The following PGAP2 variants were observed in gnomAD, a reference collection of about 807,000 sequenced individuals.
PGAP2 encodes the protein post-GPI attachment to proteins 2.
A neutral mutation model predicts 33.2 loss-of-function variants in PGAP2; 21 were observed. The observed-to-expected ratio is 0.63, with a 90% CI of 0.45 to 0.91. The LOEUF (loss-of-function observed/expected upper bound fraction) is 0.91, where lower values mean the gene tolerates loss of function less well. PGAP2 is among the 40% of genes least tolerant of loss of function. The probability of loss-of-function intolerance (pLI) is 0.00; values close to 1 mark genes in which losing one functional copy is unlikely to be tolerated. For synonymous variants in PGAP2, 161 were observed against 172.9 expected (o/e 0.93, Z 0.54); for missense variants, 345 against 424.0 (o/e 0.81, Z 1.64).
Position 3,817,450 on chromosome 11 carries a change from T to C in PGAP2, c.263T>C (p.Ile88Thr), listed in dbSNP as rs367747647. The C allele has an allele frequency of 1.2e-6, 2 of 1,614,160 alleles. No individual in the cohort carries two copies. Among genetic ancestry groups the C allele is most frequent in the Non-Finnish European group, 1.7e-6 (2 of 1,179,994 alleles). The change falls in exon 3 of 7, where the codon ATC (isoleucine) becomes ACC (threonine). Residue 88 changes from isoleucine to threonine, a missense_variant. This residue lies in a region of PGAP2 where 311 missense variants were observed against 353.6 expected (regional missense o/e 0.88). Transcript: ENST00000278243. The part of the protein sequence containing the change: ...LRFTAMVWWA[I>T]TFPVFGFFFC... Reference sequence around the variant, plus strand: ...TTCACAGCCATGGTCTGGTGGGCCATCACTTTTCCTGTGTTCGGCTTCTTC... The same window carrying C: ...TTCACAGCCATGGTCTGGTGGGCCACCACTTTTCCTGTGTTCGGCTTCTTC...
At chr11:3,799,327 C>T (rs1342762762) in intron 1 of PGAP2, among the ~76,000 whole-genome samples, 1 of 151,582 alleles carries the variant, frequency 6.6e-6, no homozygotes, top group Non-Finnish European at 1.5e-5. Context: ...TATTTGAGGC[C>T]AGGAGTTCGA....
At position 3,809,392 on chromosome 11, in the gene PGAP2, T is replaced by C. The variant is rs569913918; in HGVS notation, c.-11+741T>C. ...TGTTGCAGAACTGTGGAAACAGATC[T>C]AGAGTGCTTAAGTGGCTTGCCAAAG... is the stretch of plus-strand genomic sequence containing the variant. On this transcript the variant is annotated intron_variant, in intron 1 of 6. Transcript: ENST00000278243. Among the ~76,000 whole-genome samples, 3 of 152,342 alleles carry C rather than the reference T, an allele frequency of 2.0e-5. No homozygotes were observed. In the South Asian group the frequency reaches 6.2e-4, roughly 32 times the overall value.
At chr11:3,808,149 C>T (rs2084770490), upstream of PGAP2, 3 of 1,444,860 alleles carry the variant, frequency 2.1e-6, no homozygotes, top group Non-Finnish European at 9.3e-7. Flanking sequence ...GGGGGAGGGG[C>T]GCCAGGGCTG....
intron 3 of PGAP2, chr11:3,822,923 T>C: frequency 6.5e-7 from 1 of 1,531,110 alleles, no homozygotes; most frequent in South Asian, 1.2e-5. Flanking sequence ...GAAGCTTCAA[T>C]AGGAGTTCCA....
intron 3 of PGAP2, among the ~76,000 whole-genome samples, chr11:3,822,103 G>A (rs1414045540): frequency 6.6e-6 from 1 of 151,928 alleles, no homozygotes; most frequent in Non-Finnish European, 1.5e-5. Flanking sequence ...AGTGGCTCAC[G>A]TCTGTAATTC....
At position 3,808,640 on chromosome 11, in the gene PGAP2, A is replaced by G; in HGVS notation, c.-22A>G. 1 of 1,280,430 alleles carries G rather than the reference A, an allele frequency of 7.8e-7. No individual in the cohort carries two copies. Among genetic ancestry groups the G allele is most frequent in the East Asian group, 3.7e-5 (1 of 26,690 alleles). The allele number at this position is 1,280,430 out of a possible 1,614,324, so 79.3% of individuals were successfully genotyped here. A position where few individuals can be genotyped will look rare whatever the true frequency, so the allele number is the denominator to read the frequency against. On this transcript the variant is annotated 5_prime_UTR_variant, in exon 1 of 7. Coordinates refer to ENST00000278243, the MANE Select transcript of PGAP2 (RefSeq NM_014489.4). ...CCCGGGTTCCGCCGGCACTCTCGCC[A>G]CCACCGCGTGGGTGAGTATGGGCAT...
chr11:3,822,379 A>G (rs2088989865), intron 3 of PGAP2, among the ~76,000 whole-genome samples: 1 of 150,966 alleles, frequency 6.6e-6, no homozygotes, highest in African/African-American at 2.4e-5. Flanking sequence ...GAGAAAAAAA[A>G]GCAGATTCTG....
At chr11:3,817,207 C>T in intron 2 of PGAP2, 146 bp from the exon 3 acceptor site, 1 of 679,710 alleles carries the variant, frequency 1.5e-6, no homozygotes, top group Non-Finnish European at 2.6e-6. Context: ...CTCCTCTGCA[C>T]TGTCTTCCTT....
chr11:3,823,281 C>A (rs898250619), intron 3 of PGAP2, among the ~76,000 whole-genome samples: 2 of 151,854 alleles, frequency 1.3e-5, no homozygotes, highest in Non-Finnish European at 2.9e-5. Flanking sequence ...GGTGATCCAC[C>A]CACCTCGGCC....
rs756081998 is a variant in PGAP2, at chr11:3,797,982, G to A, written c.139G>A (p.Gly47Ser). ...CAGAGGGACGGCCCCAGAATGGCAT[G>A]GTAACTATTCGACCCTTTCCTTGCC... Residue 47 changes from glycine (G) to serine (S), a missense_variant and splice_region_variant, in exon 1 of 7, where the codon GGT (glycine) becomes AGT (serine). By Grantham distance (56) the Gly-to-Ser change is moderately conservative. Coordinates refer to the PGAP2 transcript ENST00000300730. The A allele has an allele frequency of 2.0e-5, 31 of 1,545,492 alleles. No homozygotes were observed. In the Admixed American group the frequency reaches 3.6e-4, roughly 18 times the overall value.
Position 3,797,848 on chromosome 11 carries a change from C to CT in PGAP2, c.6dup (p.Arg3Ter). On this transcript the variant is annotated frameshift_variant, in exon 1 of 7. Transcript: ENST00000300730. LOFTEE classifies it high-confidence loss of function. Reference sequence around the variant, plus strand: ...CCTCTCGAAGTGGGCTTGTGAATGGCTAGATTGGGAAGCACCGGCGGGGTG... The same window carrying CT: ...CCTCTCGAAGTGGGCTTGTGAATGGCTTAGATTGGGAAGCACCGGCGGGGTG... 1 of 1,550,382 alleles carries CT rather than the reference C, an allele frequency of 6.5e-7. No individual in the cohort carries two copies. Among genetic ancestry groups the CT allele is most frequent in the Non-Finnish European group, 8.7e-7 (1 of 1,146,398 alleles).
rs963222879 is a variant in PGAP2 at position 3,823,979 on chromosome 11, C to T, written c.445C>T (p.Arg149Cys). Residue 149 changes from arginine (R) to cysteine (C), a missense_variant, in exon 4 of 7, where the codon CGC becomes TGC. Around this residue, in one of 2 missense-constraint regions of PGAP2, gnomAD observed 311 missense variants for 353.6 expected, o/e 0.88. Transcript: ENST00000278243. ...CTGCATCGGCCTGCACTCGGCGCCT[C>T]GCTTCTTGGTGGCCTTCGCCTACTG... ...RFCIGLHSAPRFLVAFAYWNH... is the reference protein window; with the variant it reads ...RFCIGLHSAPCFLVAFAYWNH... 4 of 1,612,950 alleles carry T rather than the reference C, an allele frequency of 2.5e-6. No individual in the cohort carries two copies. Among genetic ancestry groups the T allele is most frequent in the Non-Finnish European group, 3.4e-6 (4 of 1,180,032 alleles).
intron 5 of PGAP2, 52 bp from the exon 6 acceptor site, chr11:3,824,968 C>T (rs1438545772): frequency 2.0e-5 from 32 of 1,610,900 alleles, no homozygotes; most frequent in Non-Finnish European, 2.7e-5. Context: ...GAGGGGAGCC[C>T]ACGCTCTCAT....
chr11:3,801,135 C>A (rs1381485387), intron 1 of PGAP2, among the ~76,000 whole-genome samples: 24 of 147,112 alleles, frequency 1.6e-4, no homozygotes, highest in South Asian at 4.3e-4. Flanking sequence ...AGTCTGTCTT[C>A]AAAAAAAAAA....
intron 2 of PGAP2, 106 bp from the exon 3 acceptor site, chr11:3,817,247 C>T (rs1348924679): frequency 1.2e-6 from 1 of 832,798 alleles, no homozygotes; most frequent in Non-Finnish European, 2.0e-6. Context: ...ACCCTTTCTG[C>T]TCTGGCTTTT....
chr11:3,814,800 CTT>C (rs776876838), intron 2 of PGAP2, among the ~76,000 whole-genome samples: 9 of 117,970 alleles, frequency 7.6e-5, no homozygotes, highest in African/African-American at 2.0e-4. Flanking sequence ...TTCTTTCTTT[CTT>C]TCTTTCTTTC....
At chr11:3,817,596 G>A (rs1338066060) in intron 3 of PGAP2, 61 bp downstream of exon 3, 3 of 1,339,086 alleles carry the variant, frequency 2.2e-6, no homozygotes, top group East Asian at 2.3e-5. Context: ...AGTTAGGGTA[G>A]AATTAGATAG....
chr11:3,799,856 A>G (rs748343842), intron 1 of PGAP2, among the ~76,000 whole-genome samples: 1 of 152,140 alleles, frequency 6.6e-6, no homozygotes, highest in Non-Finnish European at 1.5e-5. Context: ...GGTCCCAGCT[A>G]CTAGGGAGGC....
Position 3,816,973 on chromosome 11 carries a change from G to C in PGAP2, c.166-380G>C, listed in dbSNP as rs564556814. Among the ~76,000 whole-genome samples the C allele has an allele frequency of 2.6e-5, 4 of 152,278 alleles. No individual in the cohort carries two copies. The East Asian group carries it at 7.7e-4, about 29-fold the overall frequency. ...GTTCTGGGCCTCAGTCTCCCCTTCT[G>C]TGAAATGGGAATAATAACCTTTCTA... On this transcript the variant is annotated intron_variant, in intron 2 of 6. Coordinates refer to ENST00000278243, the MANE Select transcript of PGAP2 (RefSeq NM_014489.4).
Sources: gnomAD v4.1 joint callset for allele counts (sites outside exome capture counted in the v4.1 genomes callset) on GRCh38, gnomAD v4.1.1 for gene constraint, gnomAD v4.1.1 regional missense constraint, MANE v1.5 for transcripts, NCBI Gene and HGNC (gene_info 2026-07-23, HGNC 2026-07-21) for gene names.